The following NCKAP1 variants were observed in gnomAD, a reference collection of about 807,000 sequenced individuals.
NCKAP1 encodes nck-associated protein 1.
A neutral mutation model predicts 151.2 loss-of-function variants in NCKAP1; 21 were observed. That is an observed-to-expected ratio of 0.14 (90% confidence interval 0.10 to 0.20). NCKAP1 has a LOEUF of 0.20. Ranked by LOEUF, NCKAP1 falls within the 10% of genes least tolerant of loss-of-function variation. NCKAP1 has a pLI of 1.00. For synonymous variants in NCKAP1, 484 were observed against 451.8 expected, an observed-to-expected ratio of 1.07 and a Z score of -0.90; for missense variants, 933 against 1,352.1, an observed-to-expected ratio of 0.69 and a Z score of 4.86.
chr2:182,945,711 T>C (rs1404828802), intron 23 of NCKAP1, among the ~76,000 whole-genome samples: 1 of 152,214 alleles, frequency 6.6e-6, no homozygotes, highest in African/African-American at 2.4e-5. Context: ...GATGGGAATG[T>C]AAATTAGTCC....
intron 2 of NCKAP1, among the ~76,000 whole-genome samples, chr2:183,019,945 T>C (rs1007273694): frequency 4.6e-5 from 7 of 152,116 alleles, no homozygotes; most frequent in African/African-American, 1.2e-4. Flanking sequence ...AGAAGTCATG[T>C]TGTGTACCAG....
chr2:183,003,275 C>T lies in NCKAP1; in HGVS notation c.270G>A (p.Leu90=), dbSNP rs767663510. The part of the protein sequence containing the change: ...QKEKSEILKN[L]ALYYFTFVDV... Reference sequence around the variant, plus strand: ...CTACAAATGTGAAGTAATATAATGCCAGATTTTTCAGAATCTCTGATTTTT... The same window carrying T: ...CTACAAATGTGAAGTAATATAATGCTAGATTTTTCAGAATCTCTGATTTTT... Residue 90 remains leucine, a synonymous_variant, in exon 3 of 31, where the codon CTG becomes CTA. Transcript: ENST00000361354. 1 of 1,597,458 alleles carries T rather than the reference C, an allele frequency of 6.3e-7. No individual in the cohort carries two copies. The highest frequency in any genetic ancestry group is 1.1e-5 in the South Asian group (1 of 87,008).
Position 182,981,240 on chromosome 2 carries a change from T to C in NCKAP1, c.1341+4A>G, listed in dbSNP as rs927632835. On this transcript the variant is annotated splice_donor_region_variant and intron_variant, in intron 13 of 30. Transcript: ENST00000361354. ...AAAGGGAAATAGTATGAGATAGTTT[T>C]TACCTGCACGAGTTCATTGAGGACA... 4 of 1,612,668 alleles carry C rather than the reference T, an allele frequency of 2.5e-6. No homozygotes were observed. The highest frequency in any genetic ancestry group is 1.1e-5 in the South Asian group (1 of 90,644).
In NCKAP1 at chr2:182,912,813, T is replaced by C. The variant is rs926232562; in HGVS notation, c.*12889A>G. The stretch of plus-strand genomic sequence containing the variant: ...AAATATGTGCACTAGCACAATACTA[T>C]AGACAGATCTCAAAACCAAAGAAAG... On this transcript the variant is annotated 3_prime_UTR_variant, in exon 31 of 31. Transcript: ENST00000361354. 9 of 82,570 alleles carry C rather than the reference T, an allele frequency of 1.1e-4. No homozygotes were observed. Among genetic ancestry groups the C allele is most frequent in the African/African-American group, 2.6e-4 (8 of 30,802 alleles). The allele number at this position is 82,570 out of a possible 1,614,324, so 5.1% of individuals were successfully genotyped here.
chr2:182,982,968 T>TA, intron 11 of NCKAP1, 41 bp from the exon 12 acceptor site: 2 of 1,429,496 alleles, frequency 1.4e-6, no homozygotes, highest in African/African-American at 1.4e-5. Flanking sequence ...ATTCAAAGAT[T>TA]AAAAACAAAA....
At chr2:183,011,285 G>GT (rs1449853611) in intron 2 of NCKAP1, among the ~76,000 whole-genome samples, 1 of 152,056 alleles carries the variant, frequency 6.6e-6, no homozygotes, top group African/African-American at 2.4e-5. Flanking sequence ...AAATCATTTG[G>GT]TTTTTTACAG....
Position 182,932,786 on chromosome 2 carries a change from G to C in NCKAP1, c.2859+1966C>G, listed in dbSNP as rs538081652. Among the ~76,000 whole-genome samples the C allele has an allele frequency of 2.0e-5, 3 of 152,108 alleles. No homozygotes were observed. In the South Asian group the frequency reaches 6.2e-4, roughly 32 times the overall value. ...AGAATTCTTATAATTCTGCACATCAGTGTCTTCTCAAGAACTGATTAGTTT... is the reference window on the plus strand; with the variant it reads ...AGAATTCTTATAATTCTGCACATCACTGTCTTCTCAAGAACTGATTAGTTT... On this transcript the variant is annotated intron_variant, in intron 26 of 30. Coordinates refer to ENST00000361354, the MANE Select transcript of NCKAP1 (RefSeq NM_013436.5).
chr2:183,006,964 C>T (rs776486705), intron 2 of NCKAP1, among the ~76,000 whole-genome samples: 2 of 152,082 alleles, frequency 1.3e-5, no homozygotes, highest in Non-Finnish European at 2.9e-5. Context: ...CTCTGCCTTC[C>T]GAGTTCAAGC....
chr2:182,928,302 C>T (rs1055757417), intron 28 of NCKAP1, 76 bp from the exon 29 acceptor site: 4 of 995,940 alleles, frequency 4.0e-6, no homozygotes, highest in Admixed American at 4.5e-5. Flanking sequence ...TTAATGACTT[C>T]ACAATCTGCA....
intron 20 of NCKAP1, 71 bp from the exon 21 acceptor site, chr2:182,953,402 C>A: frequency 1.1e-6 from 1 of 940,864 alleles, no homozygotes; most frequent in Non-Finnish European, 1.6e-6. Flanking sequence ...ACCACTCAAC[C>A]TACTGTTATC....
intron 8 of NCKAP1, among the ~76,000 whole-genome samples, chr2:182,993,809 A>G (rs1177470823): frequency 6.6e-6 from 1 of 152,174 alleles, no homozygotes; most frequent in Non-Finnish European, 1.5e-5. Context: ...CCCCCATGAC[A>G]TGCAATTTAC....
intron 9 of NCKAP1, among the ~76,000 whole-genome samples, chr2:182,987,914 C>T (rs375156773): frequency 4.0e-5 from 6 of 151,834 alleles, no homozygotes; most frequent in East Asian, 1.9e-4. Context: ...ATGGCAGTAC[C>T]GACCAGAAAG....
intron 15 of NCKAP1, among the ~76,000 whole-genome samples, chr2:182,971,733 G>A (rs1278593503): frequency 6.6e-6 from 1 of 152,038 alleles, no homozygotes; most frequent in Non-Finnish European, 1.5e-5. Flanking sequence ...CAATGAAACG[G>A]AACACAGAAC....
At chr2:182,959,573 T>C (rs573517560) in intron 18 of NCKAP1, among the ~76,000 whole-genome samples, 1 of 152,300 alleles carries the variant, frequency 6.6e-6, no homozygotes, top group South Asian at 2.1e-4. Flanking sequence ...AATTAGGTAT[T>C]GATAGGATGT....
chr2:182,962,404 T>C (rs1165223197), intron 17 of NCKAP1, 126 bp from the exon 18 acceptor site: 4 of 885,862 alleles, frequency 4.5e-6, no homozygotes, highest in Non-Finnish European at 6.4e-6. Flanking sequence ...GTGGGAGATG[T>C]TAAAAATTGC....
chr2:183,010,138 A>G (rs1414518836), intron 2 of NCKAP1, among the ~76,000 whole-genome samples: 1 of 152,224 alleles, frequency 6.6e-6, no homozygotes, highest in African/African-American at 2.4e-5. Flanking sequence ...CCTCCTTGCA[A>G]TAGAACTCTA....
intron 26 of NCKAP1, among the ~76,000 whole-genome samples, chr2:182,933,121 T>A (rs114745967): frequency 6.6e-6 from 1 of 152,198 alleles, no homozygotes; most frequent in East Asian, 1.9e-4. Flanking sequence ...TTCTTTATCA[T>A]TGGAGAATCT....
At chr2:183,034,169 C>T (rs1324653209) in intron 1 of NCKAP1, among the ~76,000 whole-genome samples, 1 of 152,152 alleles carries the variant, frequency 6.6e-6, no homozygotes, top group Non-Finnish European at 1.5e-5. Context: ...AACATCTTTT[C>T]TTCCCCCACT....
At chr2:182,938,422 A>C (rs1250663672) in intron 24 of NCKAP1, among the ~76,000 whole-genome samples, 2 of 152,198 alleles carry the variant, frequency 1.3e-5, no homozygotes, top group African/African-American at 4.8e-5. Context: ...AAAGAGATAA[A>C]CACGACAGAG....
Sources: allele counts gnomAD v4.1 joint callset (sites outside exome capture counted in the v4.1 genomes callset), GRCh38; gene constraint gnomAD v4.1.1; transcripts MANE v1.5; gene names NCBI Gene and HGNC (gene_info 2026-07-23, HGNC 2026-07-21).